The following ADGRV1 variants were observed in gnomAD, a reference collection of about 807,000 sequenced individuals.
ADGRV1 encodes adhesion G protein-coupled receptor V1.
ADGRV1 carries 359 observed loss-of-function variants against 596.2 expected under a neutral mutation model. The observed-to-expected ratio is 0.60, with a 90% CI of 0.55 to 0.66. ADGRV1 has a LOEUF of 0.66. Among genes scored for constraint, ADGRV1 ranks in the 30% least tolerant of loss-of-function variants. The pLI, the probability that ADGRV1 is intolerant of heterozygous loss-of-function variation, is 0.00. For missense variants in ADGRV1, 7,274 were observed against 7,575.6 expected, an observed-to-expected ratio of 0.96 and a Z score of 1.48; for synonymous variants, 2,681 against 2,679.2, an observed-to-expected ratio of 1.00 and a Z score of -0.02.
chr5:91,084,715 G>C (rs1002951366), intron 86 of ADGRV1, among the ~76,000 whole-genome samples: 3 of 152,204 alleles, frequency 2.0e-5, no homozygotes, highest in Non-Finnish European at 4.4e-5. Context: ...TTGACCCAGC[G>C]ATCCCATTAC....
chr5:91,073,764 C>T (rs928172137), intron 86 of ADGRV1, among the ~76,000 whole-genome samples: 4 of 152,166 alleles, frequency 2.6e-5, no homozygotes, highest in Non-Finnish European at 5.9e-5. Flanking sequence ...GTGGCATGAT[C>T]TTGGCTCACG....
chr5:90,961,656 G>C (rs907800456), intron 83 of ADGRV1, among the ~76,000 whole-genome samples: 7 of 151,992 alleles, frequency 4.6e-5, no homozygotes, highest in Non-Finnish European at 7.4e-5. Context: ...TTGTTATTTA[G>C]CCCAAGCAAG....
In ADGRV1 at chr5:90,683,753, T is replaced by C. The variant is rs748683631; in HGVS notation, c.5832T>C (p.Asp1944=). Residue 1944 remains aspartate (D), a synonymous_variant, in exon 28 of 90, where the codon GAT becomes GAC. Coordinates refer to ENST00000405460, the MANE Select transcript of ADGRV1 (RefSeq NM_032119.4). ...TGCCTGACGAAGACCCAGAACTGGA[T>C]AAGGCATTCTCTGTGTCAGTCCTCA... ...EILPDEDPEL[D]KAFSVSVLSV... The C allele has an allele frequency of 2.9e-5, 47 of 1,613,746 alleles. No homozygotes were observed. The highest frequency in any genetic ancestry group is 3.6e-5 in the Non-Finnish European group (42 of 1,179,868).
At chr5:90,625,937 T>C (rs548460982) in intron 6 of ADGRV1, 6 of 152,160 alleles carry the variant, frequency 3.9e-5, no homozygotes, top group African/African-American at 1.4e-4. Context: ...TATGGGAAGA[T>C]TTTTATTATT....
chr5:90,654,928 G>A (rs1056262340), intron 20 of ADGRV1: 1 of 152,254 alleles, frequency 6.6e-6, no homozygotes. Flanking sequence ...GGAAACGATT[G>A]GGGGAAGTGG....
At chr5:91,158,926 T>G (rs1796714371) in intron 89 of ADGRV1, among the ~76,000 whole-genome samples, 1 of 151,846 alleles carries the variant, frequency 6.6e-6, no homozygotes, top group South Asian at 2.1e-4. Flanking sequence ...TCAGGAAGAG[T>G]GACTAGGCCT....
intron 21 of ADGRV1, among the ~76,000 whole-genome samples, chr5:90,671,549 T>G (rs1772468904): frequency 1.3e-5 from 2 of 152,228 alleles, no homozygotes; most frequent in Admixed American, 1.3e-4. Flanking sequence ...CCACACTCAT[T>G]GATAACTTTC....
chr5:90,798,197 AAG>A lies in ADGRV1; in HGVS notation c.14518-4536_14518-4535del, dbSNP rs1760963262. 2.6e-5 allele frequency among the ~76,000 whole-genome samples: 4 copies of A among 152,328 alleles called. No homozygotes were observed. The South Asian group carries it at 8.3e-4, about 32-fold the overall frequency. On this transcript the variant is annotated intron_variant, in intron 70 of 89. Coordinates refer to ENST00000405460, the MANE Select transcript of ADGRV1 (RefSeq NM_032119.4). ...TGCTAGCCAGACTAATGAAGAAGAAAAGAGAGAAGAATCAAATAGACACAATA... is the reference window on the plus strand; with the variant it reads ...TGCTAGCCAGACTAATGAAGAAGAAAAGAGAAGAATCAAATAGACACAATA...
At chr5:90,916,717 C>T (rs991459454) in intron 83 of ADGRV1, among the ~76,000 whole-genome samples, 2 of 144,430 alleles carry the variant, frequency 1.4e-5, no homozygotes, top group African/African-American at 5.1e-5. Flanking sequence ...ACTGCAAGCT[C>T]CGCCTCCCGG....
intron 58 of ADGRV1, chr5:90,763,058 C>T (rs912447251): frequency 1.6e-5 from 6 of 383,502 alleles, no homozygotes; most frequent in African/African-American, 4.1e-5. Context: ...TGCCTCTATT[C>T]TCTGGGTCAG....
rs2150014916 is a variant in ADGRV1 at position 90,763,334 on chromosome 5, T to C, written c.12150T>C (p.Asp4050=). 5 of 1,599,510 alleles carry C rather than the reference T, an allele frequency of 3.1e-6. No individual in the cohort carries two copies. In the South Asian group the frequency reaches 4.5e-5, roughly 14 times the overall value. The change falls in exon 59 of 90, where the codon GAT becomes GAC. Residue 4050 remains aspartate (D), a synonymous_variant. Transcript: ENST00000405460. Reference sequence around the variant, plus strand: ...TGATTGATGAATCCCTTTCATCCGATGACCCTGATTCATATGTGACATTGA... The same window carrying C: ...TGATTGATGAATCCCTTTCATCCGACGACCCTGATTCATATGTGACATTGA... The part of the protein sequence containing the change: ...TVMIDESLSS[D]DPDSYVTLTV...
chr5:90,649,362 C>T (rs1174061786), intron 17 of ADGRV1, among the ~76,000 whole-genome samples: 1 of 152,066 alleles, frequency 6.6e-6, no homozygotes, highest in Non-Finnish European at 1.5e-5. Context: ...TAGTGTGATT[C>T]TGGTAAACAT....
intron 86 of ADGRV1, among the ~76,000 whole-genome samples, chr5:91,090,265 G>T (rs1333642946): frequency 6.6e-6 from 1 of 152,094 alleles, no homozygotes; most frequent in East Asian, 1.9e-4. Context: ...GGTTCAAATA[G>T]AATTACTCTA....
chr5:91,034,235 A>G (rs1007902014), intron 85 of ADGRV1, among the ~76,000 whole-genome samples: 1 of 152,146 alleles, frequency 6.6e-6, no homozygotes, highest in Admixed American at 6.6e-5. Flanking sequence ...AAAACCAGCT[A>G]TGGTTAGTCT....
rs1405661267 is a variant in ADGRV1, at chr5:90,642,808, G to T, written c.2367+46G>T. The T allele has an allele frequency of 1.9e-6, 3 of 1,604,030 alleles. No homozygotes were observed. In the Admixed American group the frequency reaches 5.2e-5, roughly 28 times the overall value. ...CATTTATTCTGTGCTCACAACTTTA[G>T]AAGAATGATCTCAAAGGGTTTCAAC... On this transcript the variant is annotated intron_variant, in intron 12 of 89. Coordinates refer to ENST00000405460, the MANE Select transcript of ADGRV1 (RefSeq NM_032119.4).
intron 85 of ADGRV1, among the ~76,000 whole-genome samples, chr5:91,050,662 C>T (rs1786237238): frequency 6.6e-6 from 1 of 151,844 alleles, no homozygotes; most frequent in South Asian, 2.1e-4. Context: ...AGTTCAAGAC[C>T]ACCCTTGGCA....
chr5:90,629,340 C>T lies in ADGRV1; in HGVS notation c.1640C>T (p.Thr547Ile), dbSNP rs1765199219. ...TTGAGTTTTACAAGACTAGGAGGGA[C>T]TAAAGGAGATGTGAGGTTGCTTTAT... ...LSLSFTRLGG[T>I]KGDVRLLYSV... Residue 547 changes from threonine (T) to isoleucine (I), a missense_variant, in exon 9 of 90, where the codon ACT becomes ATT. Physicochemically the swap from Thr to Ile is moderately conservative, Grantham distance 89. Transcript: ENST00000405460. The T allele has an allele frequency of 6.2e-7, 1 of 1,613,446 alleles. No homozygotes were observed. The highest frequency in any genetic ancestry group is 1.7e-5 in the Admixed American group (1 of 59,928).
intron 1 of ADGRV1, among the ~76,000 whole-genome samples, chr5:90,604,982 T>G (rs1175604023): frequency 1.3e-5 from 2 of 152,224 alleles, no homozygotes; most frequent in Admixed American, 6.5e-5. Flanking sequence ...CTGTTCTTCC[T>G]GTTTCCATGG....
intron 85 of ADGRV1, among the ~76,000 whole-genome samples, chr5:91,045,018 T>G (rs1785673450): frequency 6.6e-6 from 1 of 152,054 alleles, no homozygotes; most frequent in Non-Finnish European, 1.5e-5. Flanking sequence ...GAAAAGCATT[T>G]TATTAGGTAA....
Sources: allele counts gnomAD v4.1 joint callset (sites outside exome capture counted in the v4.1 genomes callset), GRCh38; gene constraint gnomAD v4.1.1; transcripts MANE v1.5; gene names NCBI Gene and HGNC (gene_info 2026-07-23, HGNC 2026-07-21).